Variants in ZNF608 observed in about 807,000 individuals in gnomAD.
The protein encoded by ZNF608 is renal carcinoma antigen NY-REN-36.
A neutral mutation model predicts 109.0 loss-of-function variants in ZNF608; 12 were observed. The ratio of observed to expected loss-of-function variants is 0.11; its 90% CI spans 0.07 to 0.18. The LOEUF (loss-of-function observed/expected upper bound fraction) is 0.18. ZNF608 is among the 10% of genes least tolerant of loss of function. The pLI is 1.00. For missense variants in ZNF608, 1,707 were observed against 1,879.3 expected, an observed-to-expected ratio of 0.91 and a Z score of 1.70; for synonymous variants, 732 against 717.4, an observed-to-expected ratio of 1.02 and a Z score of -0.33.
intron 2 of ZNF608, among the ~76,000 whole-genome samples, chr5:124,709,446 AAT>A (rs1251290785): frequency 6.6e-6 from 1 of 152,222 alleles, no homozygotes; most frequent in East Asian, 1.9e-4. Flanking sequence ...TACTCTACTC[AAT>A]GTCTTAAATT....
intron 2 of ZNF608, among the ~76,000 whole-genome samples, chr5:124,730,263 G>C (rs1249280681): frequency 6.6e-6 from 1 of 152,164 alleles, no homozygotes; most frequent in African/African-American, 2.4e-5. Context: ...GATTTTTCAA[G>C]TGTAAAAAGG....
intron 3 of ZNF608, among the ~76,000 whole-genome samples, chr5:124,689,460 G>A (rs1182100471): frequency 8.1e-5 from 11 of 135,676 alleles, no homozygotes; most frequent in African/African-American, 2.7e-4. Flanking sequence ...GTAAGACCCT[G>A]TCCCTCAAAA....
intron 2 of ZNF608, among the ~76,000 whole-genome samples, chr5:124,726,310 A>G (rs966624854): frequency 6.6e-6 from 1 of 151,978 alleles, no homozygotes; most frequent in African/African-American, 2.4e-5. Flanking sequence ...TTTAAAGCCC[A>G]CCTATTTGCC....
At chr5:124,713,961 A>G (rs1161884104) in intron 2 of ZNF608, among the ~76,000 whole-genome samples, 3 of 152,224 alleles carry the variant, frequency 2.0e-5, no homozygotes, top group African/African-American at 7.2e-5. Context: ...GTCATAAACC[A>G]AAAGAGATAT....
At chr5:124,686,584 G>C (rs528988040) in intron 3 of ZNF608, among the ~76,000 whole-genome samples, 18 of 152,176 alleles carry the variant, frequency 1.2e-4, no homozygotes, top group Non-Finnish European at 2.1e-4. Flanking sequence ...TCTGGAACTG[G>C]CTGGCTTTTT....
At chr5:124,662,282 C>T (rs10042129) in intron 3 of ZNF608, among the ~76,000 whole-genome samples, 19,007 of 152,220 alleles carry the variant, frequency 0.12, 2,133 homozygotes, top group African/African-American at 0.3. Context: ...GAATTCAAGT[C>T]AAAACCTGCT....
chr5:124,698,214 A>G (rs541222181), intron 3 of ZNF608, among the ~76,000 whole-genome samples: 2 of 152,324 alleles, frequency 1.3e-5, no homozygotes, highest in African/African-American at 4.8e-5. Context: ...TTTCTCCCAA[A>G]AGGAAAAAAT....
chr5:124,743,252 C>T (rs1749492355), intron 2 of ZNF608, among the ~76,000 whole-genome samples: 1 of 152,254 alleles, frequency 6.6e-6, no homozygotes, highest in Non-Finnish European at 1.5e-5. Context: ...ACTCAACCGT[C>T]TACATCCCCT....
At chr5:124,644,174 T>A in intron 6 of ZNF608, 70 bp downstream of exon 6, 2 of 1,374,322 alleles carry the variant, frequency 1.5e-6, no homozygotes, top group East Asian at 4.7e-5. Flanking sequence ...TAATTTATCT[T>A]GAGTTTTTAA....
chr5:124,683,979 AT>A (rs1378689263), intron 3 of ZNF608, among the ~76,000 whole-genome samples: 3 of 152,204 alleles, frequency 2.0e-5, no homozygotes, highest in Non-Finnish European at 4.4e-5. Flanking sequence ...AGAGCATAAA[AT>A]AAATGTCAGT....
rs1371506573 is a variant in ZNF608, at chr5:124,637,010, T to C, written c.*890A>G. ...CATTCAATATACATTTTACATAAAA[T>C]AAACTAGATTACAGCATAAAACAAG... On this transcript the variant is annotated 3_prime_UTR_variant, in exon 10 of 10. Transcript: ENST00000513986. 1 of 148,154 alleles carries C rather than the reference T, an allele frequency of 6.7e-6. No homozygotes were observed. Among genetic ancestry groups the C allele is most frequent in the Non-Finnish European group, 1.5e-5 (1 of 67,102 alleles). 9.2% of individuals were successfully genotyped at this position (148,154 alleles called of 1,614,324 possible). A position where few individuals can be genotyped will look rare whatever the true frequency, so the allele number is the denominator to read the frequency against.
chr5:124,710,421 T>C (rs1753442049), intron 2 of ZNF608: 1 of 365,888 alleles, frequency 2.7e-6, no homozygotes, highest in Non-Finnish European at 5.3e-6. Flanking sequence ...GACAAGGAAG[T>C]GCCTGAGTCA....
intron 3 of ZNF608, among the ~76,000 whole-genome samples, chr5:124,675,765 G>A (rs1016538854): frequency 3.9e-5 from 6 of 152,120 alleles, no homozygotes; most frequent in East Asian, 1.9e-4. Context: ...CCCTCACGGC[G>A]TTAGGCACTT....
intron 3 of ZNF608, among the ~76,000 whole-genome samples, chr5:124,652,905 G>T (rs902499554): frequency 2.0e-5 from 3 of 152,220 alleles, no homozygotes; most frequent in African/African-American, 7.2e-5. Context: ...GGAAATAAGT[G>T]TACACTTATT....
chr5:124,650,152 T>C (rs1477538608), intron 3 of ZNF608, among the ~76,000 whole-genome samples: 1 of 152,190 alleles, frequency 6.6e-6, no homozygotes, highest in African/African-American at 2.4e-5. Context: ...CAATATAAAA[T>C]GATGGTGATT....
chr5:124,666,668 T>G (rs1751492543), intron 3 of ZNF608, among the ~76,000 whole-genome samples: 1 of 152,006 alleles, frequency 6.6e-6, no homozygotes, highest in Non-Finnish European at 1.5e-5. Flanking sequence ...TGTGACTACT[T>G]TTATCACAAC....
intron 3 of ZNF608, 67 bp from the exon 4 acceptor site, chr5:124,649,764 A>T: frequency 9.5e-7 from 1 of 1,055,446 alleles, no homozygotes; most frequent in Non-Finnish European, 1.3e-6. Flanking sequence ...CAGTTCACTT[A>T]TTATTTTTTT....
rs1176397886 is a variant in ZNF608, at chr5:124,644,541, TAGG to T, written c.3823_3825del (p.Pro1275del). On this transcript the variant is annotated inframe_deletion, in exon 6 of 10. Coordinates refer to ENST00000513986, the MANE Select transcript of ZNF608 (RefSeq NM_020747.3). ...AGGCTGGGCACACCACTCTCTTTAT[TAGG>T]AGTTTTCCTCGGACTATCCTCTTTT... The T allele has an allele frequency of 3.1e-6, 5 of 1,614,174 alleles. No individual in the cohort carries two copies. Among genetic ancestry groups the T allele is most frequent in the Non-Finnish European group, 4.2e-6 (5 of 1,180,026 alleles).
intron 2 of ZNF608, chr5:124,734,584 CAGCCG>C: frequency 6.6e-6 from 1 of 152,292 alleles, no homozygotes; most frequent in South Asian, 2.1e-4. Flanking sequence ...ACAACCACCC[CAGCCG>C]CTCGCTGAGG....
Sources: allele counts gnomAD v4.1 joint callset (sites outside exome capture counted in the v4.1 genomes callset), GRCh38; gene constraint gnomAD v4.1.1; transcripts MANE v1.5; gene names NCBI Gene and HGNC (gene_info 2026-07-23, HGNC 2026-07-21).